LUZP1: variants seen among roughly 807,000 people sequenced by gnomAD.
LUZP1 encodes the protein filamin mechanobinding actin cross-linking protein.
A neutral mutation model predicts 71.3 loss-of-function variants in LUZP1; 25 were observed. That is an observed-to-expected ratio of 0.35 (90% confidence interval 0.26 to 0.49). LUZP1 has a LOEUF of 0.49. Ranked by LOEUF, LUZP1 falls within the 20% of genes least tolerant of loss-of-function variation. LUZP1 has a pLI of 0.99. For missense variants in LUZP1, 1,142 were observed against 1,300.8 expected (o/e 0.88, Z 1.88); for synonymous variants, 481 against 506.4 (o/e 0.95, Z 0.67).
chr1:23,162,142 A>C (rs1644472122), intron 2 of LUZP1, among the ~76,000 whole-genome samples: 1 of 152,078 alleles, frequency 6.6e-6, no homozygotes, highest in Non-Finnish European at 1.5e-5. Context: ...GACCACAAAC[A>C]ATATATACTA....
intron 3 of LUZP1, among the ~76,000 whole-genome samples, chr1:23,100,824 T>C (rs1395457042): frequency 1.3e-5 from 2 of 152,206 alleles, no homozygotes; most frequent in African/African-American, 4.8e-5. Context: ...TATTAAAGAA[T>C]TCTACATAGC....
At chr1:23,131,388 A>T (rs1644214042) in intron 2 of LUZP1, among the ~76,000 whole-genome samples, 1 of 152,052 alleles carries the variant, frequency 6.6e-6, no homozygotes, top group East Asian at 1.9e-4. Flanking sequence ...CACTCCTCTC[A>T]CATTACTTCC....
chr1:23,096,597 T>C (rs1643893408), intron 3 of LUZP1, among the ~76,000 whole-genome samples: 1 of 152,110 alleles, frequency 6.6e-6, no homozygotes, highest in Non-Finnish European at 1.5e-5. Context: ...ACAGAAAATC[T>C]TTAAAAAGAA....
intron 2 of LUZP1, among the ~76,000 whole-genome samples, chr1:23,125,254 T>C (rs894346718): frequency 2.6e-5 from 4 of 152,200 alleles, no homozygotes; most frequent in African/African-American, 9.6e-5. Flanking sequence ...AAACAGTGCA[T>C]ACTTTCTTCA....
rs558829688 is a variant in LUZP1 at position 23,091,180 on chromosome 1, T to C, written c.3072+10A>G. ...GAGAAAAGAGAGAGGGGAGAGAGGCTGGAACTCACCATGCTTGCTGAGTGG... is the reference window on the plus strand; with the variant it reads ...GAGAAAAGAGAGAGGGGAGAGAGGCCGGAACTCACCATGCTTGCTGAGTGG... On this transcript the variant is annotated intron_variant, in intron 4 of 4. Transcript: ENST00000302291. 8.8e-6 allele frequency: 14 copies of C among 1,592,792 alleles called. No individual in the cohort carries two copies. The highest frequency in any genetic ancestry group is 3.4e-4 in the Middle Eastern group (2 of 5,944).
At chr1:23,091,795 T>C (rs1643859732) in exon 4 of LUZP1, 1 of 1,614,062 alleles carries the variant, frequency 6.2e-7, no homozygotes, top group Non-Finnish European at 8.5e-7. Flanking sequence ...ACCTGGATAT[T>C]GCTAGTGGAT....
At chr1:23,164,115 AT>A (rs1388301974) in intron 2 of LUZP1, 3 of 152,138 alleles carry the variant, frequency 2.0e-5, no homozygotes, top group Admixed American at 6.6e-5. Flanking sequence ...CCAATGGTGG[AT>A]TTAACAAGAA....
At position 23,094,876 on chromosome 1, in the gene LUZP1, CT is replaced by C. The variant is rs755360442; in HGVS notation, c.-119-497del. ...GATTATCTCTTATGAGCTATTGTGA[CT>C]TAAAAGTGATACAAATTAACCCTCT... On this transcript the variant is annotated intron_variant, in intron 3 of 4. Transcript: ENST00000302291. This position sits in a 1 kb window ranked among gnomAD's most constrained non-coding sequence, Gnocchi z 4.7. 7.2e-5 allele frequency among the ~76,000 whole-genome samples: 11 copies of C among 152,120 alleles called. No homozygotes were observed. In the East Asian group the frequency reaches 1.7e-3, roughly 24 times the overall value.
intron 2 of LUZP1, among the ~76,000 whole-genome samples, chr1:23,118,339 A>G (rs889568972): frequency 2.6e-5 from 4 of 152,166 alleles, no homozygotes; most frequent in African/African-American, 9.7e-5. Context: ...CGGAGGTTTC[A>G]GTGAACTGAG....
chr1:23,176,373 C>T (rs548948615), intron 1 of LUZP1, among the ~76,000 whole-genome samples: 1 of 152,260 alleles, frequency 6.6e-6, no homozygotes, highest in South Asian at 2.1e-4. Context: ...CCCCCTACTT[C>T]CTTGACTTTT....
chr1:23,123,803 T>C (rs941600476), intron 2 of LUZP1, among the ~76,000 whole-genome samples: 9 of 152,210 alleles, frequency 5.9e-5, no homozygotes, highest in Non-Finnish European at 1.0e-4. Context: ...ACCAGGAAAA[T>C]GCCACAATGC....
At chr1:23,087,303 T>C (rs1280843538) in exon 5 of LUZP1, 1 of 152,068 alleles carries the variant, frequency 6.6e-6, no homozygotes, top group Non-Finnish European at 1.5e-5. Flanking sequence ...GAAAAACAAT[T>C]GAGGGCAGGA....
At chr1:23,136,576 CA>C (rs1275489648) in intron 2 of LUZP1, among the ~76,000 whole-genome samples, 1 of 151,866 alleles carries the variant, frequency 6.6e-6, no homozygotes, top group Non-Finnish European at 1.5e-5. Context: ...ATAATATGCC[CA>C]AGGTCATACT....
At chr1:23,090,390 CAG>C (rs1192737566) in intron 4 of LUZP1, 1 of 158,314 alleles carries the variant, frequency 6.3e-6, no homozygotes, top group East Asian at 1.8e-4. Flanking sequence ...TTCAAGTTAA[CAG>C]AGTCATCTGC....
chr1:23,133,493 T>C (rs1644230443), intron 2 of LUZP1: 1 of 152,216 alleles, frequency 6.6e-6, no homozygotes, highest in Non-Finnish European at 1.5e-5. Flanking sequence ...CTGGGCGCAG[T>C]GGCTCATGCC....
intron 2 of LUZP1, among the ~76,000 whole-genome samples, chr1:23,147,053 C>T (rs1054775192): frequency 1.3e-5 from 2 of 151,362 alleles, no homozygotes; most frequent in African/African-American, 2.4e-5. Context: ...GCCGAGATCG[C>T]GCCACCGCAC....
At chr1:23,159,478 T>C (rs1644447537) in intron 2 of LUZP1, among the ~76,000 whole-genome samples, 1 of 152,232 alleles carries the variant, frequency 6.6e-6, no homozygotes, top group South Asian at 2.1e-4. Flanking sequence ...TGACACTGGA[T>C]ATCTAGCTTC....
At chr1:23,084,639 T>G (rs1258899718) in exon 5 of LUZP1, 1 of 152,198 alleles carries the variant, frequency 6.6e-6, no homozygotes, top group African/African-American at 2.4e-5. Context: ...GTAATGTCCC[T>G]TAAATGTGGT....
At chr1:23,163,793 C>A (rs1044448562) in intron 2 of LUZP1, among the ~76,000 whole-genome samples, 1 of 152,122 alleles carries the variant, frequency 6.6e-6, no homozygotes, top group Non-Finnish European at 1.5e-5. Flanking sequence ...AGTGTAATGA[C>A]ATAGACCCCA....
Sources: allele counts gnomAD v4.1 joint callset (sites outside exome capture counted in the v4.1 genomes callset), GRCh38; gene constraint gnomAD v4.1.1; non-coding constraint Gnocchi (gnomAD v3.1); transcripts MANE v1.5; gene names NCBI Gene and HGNC (gene_info 2026-07-23, HGNC 2026-07-21).